KCND3: variants seen among roughly 807,000 people sequenced by gnomAD.
KCND3 encodes the protein potassium voltage-gated channel subfamily D member 3.
A neutral mutation model predicts 51.1 loss-of-function variants in KCND3; 9 were observed. The ratio of observed to expected loss-of-function variants is 0.18; its 90% CI spans 0.11 to 0.31. KCND3 has a LOEUF of 0.31. Among genes scored for constraint, KCND3 ranks in the 10% least tolerant of loss-of-function variants. The pLI is 1.00. For synonymous variants in KCND3, 349 were observed against 368.0 expected (o/e 0.95, Z 0.59); for missense variants, 526 against 903.8 (o/e 0.58, Z 5.36).
At chr1:111,817,315 T>A (rs898837003) in intron 2 of KCND3, among the ~76,000 whole-genome samples, 1 of 152,174 alleles carries the variant, frequency 6.6e-6, no homozygotes, top group Non-Finnish European at 1.5e-5. Flanking sequence ...GGCACTTTTG[T>A]ACACTGCTGA....
At chr1:111,881,506 T>C (rs187984903) in intron 2 of KCND3, among the ~76,000 whole-genome samples, 1 of 152,352 alleles carries the variant, frequency 6.6e-6, no homozygotes, top group East Asian at 1.9e-4. Flanking sequence ...ACACATTTGT[T>C]TCTTTCCTAA....
chr1:111,908,949 GC>G (rs1240666805), intron 2 of KCND3, among the ~76,000 whole-genome samples: 2 of 109,856 alleles, frequency 1.8e-5, no homozygotes, highest in Non-Finnish European at 3.7e-5. Flanking sequence ...CTGGTCTCAT[GC>G]CTTTTTTTTT....
intron 2 of KCND3, among the ~76,000 whole-genome samples, chr1:111,791,792 G>A (rs1473543734): frequency 1.3e-5 from 2 of 152,166 alleles, no homozygotes; most frequent in Admixed American, 6.5e-5. Context: ...AAAGATAAAT[G>A]AGAACACCAG....
chr1:111,792,721 A>C (rs1664890147), intron 2 of KCND3, among the ~76,000 whole-genome samples: 1 of 152,198 alleles, frequency 6.6e-6, no homozygotes, highest in African/African-American at 2.4e-5. Context: ...GAGGGATTGC[A>C]TGAGTTACTT....
Position 111,813,922 on chromosome 1 carries a change from G to T in KCND3, c.1107-26816C>A, listed in dbSNP as rs150350254. On this transcript the variant is annotated intron_variant, in intron 2 of 7. Coordinates refer to ENST00000302127, the MANE Select transcript of KCND3 (RefSeq NM_001378969.1). ...TTCATTGTCAGGCACTGTGCTAAGTGCTTTATACACAACATCTCCCTCTGC... is the reference window on the plus strand; with the variant it reads ...TTCATTGTCAGGCACTGTGCTAAGTTCTTTATACACAACATCTCCCTCTGC... Among the ~76,000 whole-genome samples the T allele has an allele frequency of 2.5e-3, 379 of 152,272 alleles. 1 individual carries two copies. The highest frequency in any genetic ancestry group is 3.8e-3 in the Non-Finnish European group (259 of 68,006).
In KCND3 at chr1:111,982,312, G is replaced by T; in HGVS notation, c.415C>A (p.Arg139Ser). 6.2e-7 allele frequency: 1 copy of T among 1,614,090 alleles called. No homozygotes were observed. Among genetic ancestry groups the T allele is most frequent in the Non-Finnish European group, 8.5e-7 (1 of 1,180,036 alleles). Reference protein sequence around the residue: ...GDCCYEEYKDRKRENAERLMD... With the variant: ...GDCCYEEYKDSKRENAERLMD... The stretch of plus-strand genomic sequence containing the variant: ...AGCCGCTCGGCGTTCTCCCTCTTGC[G>T]GTCCTTGTACTCCTCGTAGCAGCAG... The change falls in exon 2 of 8, where the codon CGC (arginine) becomes AGC (serine). Residue 139 changes from arginine (R) to serine (S), a missense_variant. This residue lies in a region of KCND3 where 159 missense variants were observed against 262.8 expected (regional missense o/e 0.61). Transcript: ENST00000302127. This position sits in a 1 kb window ranked among gnomAD's most constrained non-coding sequence, Gnocchi z 8.5.
chr1:111,849,762 T>C (rs1310380935), intron 2 of KCND3, among the ~76,000 whole-genome samples: 1 of 152,194 alleles, frequency 6.6e-6, no homozygotes, highest in Non-Finnish European at 1.5e-5. Flanking sequence ...CAACCTAGTG[T>C]CTTTTTGCTT....
intron 3 of KCND3, among the ~76,000 whole-genome samples, chr1:111,782,624 G>A (rs532705736): frequency 2.6e-5 from 4 of 152,218 alleles, no homozygotes; most frequent in Non-Finnish European, 5.9e-5. Flanking sequence ...AGTTTCATAT[G>A]GAAATCCAAT....
chr1:111,926,729 T>C (rs1486592213), intron 2 of KCND3, among the ~76,000 whole-genome samples: 2 of 152,244 alleles, frequency 1.3e-5, no homozygotes, highest in Non-Finnish European at 2.9e-5. Context: ...GAGGCAGCTG[T>C]ACTGGGGACA....
At chr1:111,784,952 C>T (rs535790618) in intron 3 of KCND3, among the ~76,000 whole-genome samples, 174 of 152,168 alleles carry the variant, frequency 1.1e-3, no homozygotes, top group Non-Finnish European at 2.0e-3. Context: ...GCTGGGAGCA[C>T]GCCTGTAATC....
intron 2 of KCND3, among the ~76,000 whole-genome samples, chr1:111,841,487 T>A (rs1342670471): frequency 6.6e-6 from 1 of 152,264 alleles, no homozygotes; most frequent in Non-Finnish European, 1.5e-5. Flanking sequence ...GCTGGGCAAC[T>A]CTTCTGGAAA....
At chr1:111,784,984 G>A (rs1359700957) in intron 3 of KCND3, among the ~76,000 whole-genome samples, 1 of 152,160 alleles carries the variant, frequency 6.6e-6, no homozygotes, top group African/African-American at 2.4e-5. Context: ...GGAAGCTGAG[G>A]TGGGAGGATT....
At chr1:111,781,441 C>T (rs907398769) in intron 3 of KCND3, among the ~76,000 whole-genome samples, 2 of 152,158 alleles carry the variant, frequency 1.3e-5, no homozygotes, top group African/African-American at 4.8e-5. Flanking sequence ...CCCCAGTAAA[C>T]AGTAGGTTCT....
chr1:111,799,254 C>A (rs1397898461), intron 2 of KCND3, among the ~76,000 whole-genome samples: 1 of 152,106 alleles, frequency 6.6e-6, no homozygotes, highest in Non-Finnish European at 1.5e-5. Context: ...AACAAACAAG[C>A]AATAGATTTA....
At chr1:111,965,393 C>G (rs550912019) in intron 2 of KCND3, among the ~76,000 whole-genome samples, 1 of 150,338 alleles carries the variant, frequency 6.7e-6, no homozygotes, top group Non-Finnish European at 1.5e-5. Context: ...CCAGGTTACC[C>G]TGAGAACTCC....
intron 2 of KCND3, among the ~76,000 whole-genome samples, chr1:111,811,876 T>C (rs1665867082): frequency 6.6e-6 from 1 of 152,166 alleles, no homozygotes; most frequent in Admixed American, 6.5e-5. Context: ...CTCAGACATT[T>C]CTATTTCTTT....
intron 2 of KCND3, among the ~76,000 whole-genome samples, chr1:111,900,731 C>T (rs1279115376): frequency 2.0e-5 from 3 of 151,886 alleles, no homozygotes; most frequent in South Asian, 2.1e-4. Flanking sequence ...CCGAGGTGGG[C>T]GGATCACCTG....
chr1:111,989,661 C>G lies in KCND3; in HGVS notation c.-229G>C, dbSNP rs1462589017. On this transcript the variant is annotated 5_prime_UTR_variant, in exon 1 of 8. Coordinates refer to ENST00000302127, the MANE Select transcript of KCND3 (RefSeq NM_001378969.1). ...CGGCTCCTCCTCGCCAGCGCAGTCT[C>G]GCTCGCTGCCTCCCTCGCTCGGTCG... The G allele has an allele frequency of 2.0e-5, 3 of 148,608 alleles. No individual in the cohort carries two copies. Among genetic ancestry groups the G allele is most frequent in the Admixed American group, 6.7e-5 (1 of 14,880 alleles). 9.2% of individuals were successfully genotyped at this position (148,608 alleles called of 1,614,324 possible).
intron 2 of KCND3, among the ~76,000 whole-genome samples, chr1:111,866,833 T>C (rs1668598087): frequency 6.6e-6 from 1 of 152,172 alleles, no homozygotes; most frequent in South Asian, 2.1e-4. Context: ...CTTTGATTTC[T>C]AAATCAGGTC....
Sources: allele counts gnomAD v4.1 joint callset (sites outside exome capture counted in the v4.1 genomes callset), GRCh38; gene constraint gnomAD v4.1.1; regional missense constraint gnomAD v4.1.1; non-coding constraint Gnocchi (gnomAD v3.1); transcripts MANE v1.5; gene names NCBI Gene and HGNC (gene_info 2026-07-23, HGNC 2026-07-21).